The following TBC1D9 variants were observed in gnomAD, a reference collection of about 807,000 sequenced individuals.
The protein encoded by TBC1D9 is TBC1 domain family member 9A.
In TBC1D9, 63 loss-of-function variants were observed where a neutral mutation model predicts 132.0. The ratio of observed to expected loss-of-function variants is 0.48; its 90% CI spans 0.39 to 0.59. The LOEUF is 0.59. TBC1D9 is among the 20% of genes least tolerant of loss of function. The probability of loss-of-function intolerance (pLI) is 0.00; values close to 1 mark genes in which losing one functional copy is unlikely to be tolerated. For missense variants in TBC1D9, 1,261 were observed against 1,592.7 expected (o/e 0.79, Z 3.54); for synonymous variants, 610 against 609.9 (o/e 1.00, Z 0.00).
intron 2 of TBC1D9, among the ~76,000 whole-genome samples, chr4:140,689,498 CCTTT>C (rs1737842112): frequency 1.0e-5 from 1 of 97,706 alleles, no homozygotes; most frequent in African/African-American, 4.1e-5. Flanking sequence ...TTCCCTTCCC[CCTTT>C]CCTTCCCTTC....
rs574676613 is a variant in TBC1D9, at chr4:140,679,036, T to C, written c.757A>G (p.Met253Val). 2.5e-6 allele frequency: 4 copies of C among 1,613,966 alleles called. No individual in the cohort carries two copies. The East Asian group carries it at 6.7e-5, about 27-fold the overall frequency. ...CCCTCATTGTCTAAGAGTTGCCTCA[T>C]GGCTATGTTGGCAAGCTGCTCCATT... Reference protein sequence around the residue: ...KLMEQLANIAMRQLLDNEGFE... With the variant: ...KLMEQLANIAVRQLLDNEGFE... The change falls in exon 5 of 21, where the codon ATG becomes GTG. Residue 253 changes from methionine to valine, a missense_variant. By Grantham distance (21) the Met-to-Val change is conservative. Transcript: ENST00000442267.
chr4:140,692,050 G>T (rs984824904), intron 2 of TBC1D9, among the ~76,000 whole-genome samples: 4 of 152,114 alleles, frequency 2.6e-5, no homozygotes, highest in Non-Finnish European at 4.4e-5. Flanking sequence ...TACCTCCTAG[G>T]AATAATACAT....
intron 11 of TBC1D9, among the ~76,000 whole-genome samples, chr4:140,659,094 T>TA (rs1418310247): frequency 6.6e-6 from 1 of 151,998 alleles, no homozygotes; most frequent in Non-Finnish European, 1.5e-5. Context: ...TTACAAGGAG[T>TA]AACAGCAATA....
At chr4:140,633,813 G>A in intron 16 of TBC1D9, 135 bp downstream of exon 16, 2 of 1,046,388 alleles carry the variant, frequency 1.9e-6, no homozygotes. Flanking sequence ...CATATACTAT[G>A]TTCATGAAAA....
intron 18 of TBC1D9, among the ~76,000 whole-genome samples, chr4:140,625,289 A>T (rs1423262718): frequency 6.6e-6 from 1 of 152,142 alleles, no homozygotes; most frequent in Non-Finnish European, 1.5e-5. Flanking sequence ...CTAAAATGTT[A>T]CATGCTATAA....
Position 140,622,781 on chromosome 4 carries a change from G to A in TBC1D9, c.3215C>T (p.Ala1072Val). The change falls in exon 21 of 21, where the codon GCC becomes GTC. Residue 1072 changes from alanine (A) to valine (V), a missense_variant. Ala to Val is a moderately conservative substitution (Grantham distance 64). Around this residue, in one of 3 missense-constraint regions of TBC1D9, gnomAD observed 618 missense variants for 724.4 expected, o/e 0.85. Transcript: ENST00000442267. ...GCTCCCGCCCTCCTTTGCAGGCTGGGCCACGAACAACTTGCCGACCTCCCC... is the reference window on the plus strand; with the variant it reads ...GCTCCCGCCCTCCTTTGCAGGCTGGACCACGAACAACTTGCCGACCTCCCC... ...EIGEVGKLFV[A>V]QPAKEGGSGG... 6.2e-7 allele frequency: 1 copy of A among 1,603,504 alleles called. No homozygotes were observed. The highest frequency in any genetic ancestry group is 8.5e-7 in the Non-Finnish European group (1 of 1,179,294).
At chr4:140,691,072 CA>C (rs879754776) in intron 2 of TBC1D9, among the ~76,000 whole-genome samples, 6 of 152,142 alleles carry the variant, frequency 3.9e-5, no homozygotes, top group Admixed American at 6.5e-5. Flanking sequence ...GCAGTGAGGA[CA>C]GGTGTTCCAG....
chr4:140,635,803 A>G (rs1027987425), intron 15 of TBC1D9, among the ~76,000 whole-genome samples: 2 of 151,900 alleles, frequency 1.3e-5, no homozygotes, highest in Non-Finnish European at 2.9e-5. Context: ...TTGGGACTGC[A>G]TTCCTGGGAC....
intron 17 of TBC1D9, 82 bp from the exon 18 acceptor site, chr4:140,627,609 C>A: frequency 1.1e-6 from 1 of 929,668 alleles, no homozygotes; most frequent in Non-Finnish European, 1.7e-6. Context: ...AATAAAATGA[C>A]ATAAGTGGGG....
chr4:140,676,840 C>T, intron 6 of TBC1D9, 54 bp downstream of exon 6: 1 of 1,593,058 alleles, frequency 6.3e-7, no homozygotes. Context: ...CCTGGTTCAC[C>T]CAGAAAAGTA....
rs1738271742 is a variant in TBC1D9 at position 140,712,797 on chromosome 4, C to T, written c.131-11183G>A. ...GATAGATAGATAGATAAATGGGATC[C>T]TGCTCTGTTGCCCATGCTGGAATGC... On this transcript the variant is annotated intron_variant, in intron 1 of 20. Coordinates refer to ENST00000442267, the MANE Select transcript of TBC1D9 (RefSeq NM_015130.3). Among the ~76,000 whole-genome samples, 6 of 135,488 alleles carry T rather than the reference C, an allele frequency of 4.4e-5. No individual in the cohort carries two copies. The South Asian group carries it at 1.5e-3, about 34-fold the overall frequency. 88.9% of individuals were successfully genotyped at this position (135,488 alleles called of 152,430 possible). A position where few individuals can be genotyped will look rare whatever the true frequency, so the allele number is the denominator to read the frequency against.
chr4:140,699,747 T>C (rs560579429), intron 2 of TBC1D9, among the ~76,000 whole-genome samples: 1 of 151,468 alleles, frequency 6.6e-6, no homozygotes, highest in East Asian at 1.9e-4. Context: ...ATGAGGGAAA[T>C]CTGAACAAAC....
At chr4:140,677,218 C>A in intron 5 of TBC1D9, 117 bp from the exon 6 acceptor site, 1 of 1,145,058 alleles carries the variant, frequency 8.7e-7, no homozygotes, top group African/African-American at 1.5e-5. Context: ...TAGACTCATC[C>A]CCCGCTTCTC....
intron 1 of TBC1D9, among the ~76,000 whole-genome samples, chr4:140,720,648 T>C (rs1738409562): frequency 6.6e-6 from 1 of 152,188 alleles, no homozygotes; most frequent in Non-Finnish European, 1.5e-5. Context: ...GATACCAGCA[T>C]ATTACCTGGG....
chr4:140,671,025 C>T, intron 6 of TBC1D9, 99 bp from the exon 7 acceptor site: 1 of 957,356 alleles, frequency 1.0e-6, no homozygotes, highest in Admixed American at 2.2e-5. Flanking sequence ...TTTCATTATT[C>T]TATAGGAACC....
intron 1 of TBC1D9, among the ~76,000 whole-genome samples, chr4:140,718,153 G>T (rs771311010): frequency 6.7e-6 from 1 of 148,288 alleles, no homozygotes. Context: ...ATAGTATATA[G>T]TTTCCCCATA....
intron 9 of TBC1D9, among the ~76,000 whole-genome samples, chr4:140,667,296 C>T (rs558464203): frequency 1.2e-4 from 19 of 152,288 alleles, no homozygotes; most frequent in African/African-American, 4.6e-4. Context: ...GGGTCTAACT[C>T]TCAACATTAT....
intron 3 of TBC1D9, 128 bp downstream of exon 3, chr4:140,686,216 A>C: frequency 1.7e-6 from 1 of 592,218 alleles, no homozygotes; most frequent in South Asian, 2.3e-5. Flanking sequence ...AAGCAAATGC[A>C]GTAAAATGTT....
chr4:140,688,245 A>G (rs28368679), intron 2 of TBC1D9, among the ~76,000 whole-genome samples: 6,256 of 152,294 alleles, frequency 0.041, 156 homozygotes, highest in Middle Eastern at 0.1. Flanking sequence ...CTGTCCTACA[A>G]TGTCATGGCA....
Sources: allele counts gnomAD v4.1 joint callset (sites outside exome capture counted in the v4.1 genomes callset), GRCh38; gene constraint gnomAD v4.1.1; regional missense constraint gnomAD v4.1.1; transcripts MANE v1.5; gene names NCBI Gene and HGNC (gene_info 2026-07-23, HGNC 2026-07-21).